The following CAMK4 variants were observed in gnomAD, a reference collection of about 807,000 sequenced individuals.
CAMK4 encodes the protein calcium/calmodulin dependent protein kinase IV.
CAMK4 carries 22 observed loss-of-function variants against 44.9 expected under a neutral mutation model. That is an observed-to-expected ratio of 0.49 (90% CI 0.35 to 0.70). The LOEUF (loss-of-function observed/expected upper bound fraction) is 0.70. Among genes scored for constraint, CAMK4 ranks in the 30% least tolerant of loss-of-function variants. The pLI, the probability that CAMK4 is intolerant of heterozygous loss-of-function variation, is 0.01. For missense variants in CAMK4, 498 were observed against 586.8 expected (o/e 0.85, Z 1.56); for synonymous variants, 218 against 215.4 (o/e 1.01, Z -0.11).
intron 1 of CAMK4, among the ~76,000 whole-genome samples, chr5:111,253,564 A>C (rs1749612429): frequency 6.6e-6 from 1 of 152,260 alleles, no homozygotes; most frequent in African/African-American, 2.4e-5. Flanking sequence ...AATAGCTGAC[A>C]GCTTCCATGT....
At chr5:111,354,211 A>T (rs1325880528) in intron 2 of CAMK4, among the ~76,000 whole-genome samples, 1 of 152,134 alleles carries the variant, frequency 6.6e-6, no homozygotes, top group Non-Finnish European at 1.5e-5. Context: ...CACAAAGTCA[A>T]ATTACAAATT....
chr5:111,250,668 C>T (rs565599420), intron 1 of CAMK4, among the ~76,000 whole-genome samples: 1 of 152,140 alleles, frequency 6.6e-6, no homozygotes, highest in Non-Finnish European at 1.5e-5. Context: ...TTACCTAGAT[C>T]CTGTTTTACC....
chr5:111,253,716 G>C (rs1219601938), intron 1 of CAMK4, among the ~76,000 whole-genome samples: 1 of 152,076 alleles, frequency 6.6e-6, no homozygotes, highest in Non-Finnish European at 1.5e-5. Flanking sequence ...GCTACTGAGA[G>C]GTTATTGAGT....
chr5:111,391,494 C>G (rs1043459145), intron 4 of CAMK4, among the ~76,000 whole-genome samples: 1 of 151,362 alleles, frequency 6.6e-6, no homozygotes, highest in African/African-American at 2.4e-5. Flanking sequence ...TTCCTTTAGG[C>G]AGTGAAAGCA....
At chr5:111,358,498 A>G (rs1392572580) in intron 2 of CAMK4, among the ~76,000 whole-genome samples, 3 of 152,004 alleles carry the variant, frequency 2.0e-5, no homozygotes, top group Non-Finnish European at 4.4e-5. Flanking sequence ...ATCTAAAAGA[A>G]CACATTAGAT....
chr5:111,410,810 T>G (rs1170969272), intron 5 of CAMK4, among the ~76,000 whole-genome samples: 1 of 152,130 alleles, frequency 6.6e-6, no homozygotes, highest in Non-Finnish European at 1.5e-5. Context: ...AAGGAGAGCT[T>G]CAAGGCAATG....
intron 5 of CAMK4, among the ~76,000 whole-genome samples, chr5:111,437,963 A>G (rs1753703469): frequency 1.3e-5 from 2 of 152,196 alleles, no homozygotes; most frequent in African/African-American, 4.8e-5. Flanking sequence ...CAAAGCAAGT[A>G]TTAAAGGGGC....
At chr5:111,236,966 T>C (rs982702926) in intron 1 of CAMK4, among the ~76,000 whole-genome samples, 1 of 152,162 alleles carries the variant, frequency 6.6e-6, no homozygotes, top group Non-Finnish European at 1.5e-5. Context: ...CTTAAAACTG[T>C]CTTTCTTCAG....
intron 1 of CAMK4, among the ~76,000 whole-genome samples, chr5:111,266,978 G>T (rs540301850): frequency 3.2e-4 from 49 of 152,234 alleles, no homozygotes; most frequent in East Asian, 5.8e-4. Context: ...TACTTGGCCA[G>T]TAAATATCAA....
chr5:111,382,772 C>T (rs1751465917), intron 4 of CAMK4, among the ~76,000 whole-genome samples: 1 of 152,074 alleles, frequency 6.6e-6, no homozygotes, highest in Non-Finnish European at 1.5e-5. Context: ...ATGTCACATT[C>T]CAAAGTATAT....
chr5:111,401,271 C>G (rs306092), intron 5 of CAMK4, among the ~76,000 whole-genome samples: 33 of 151,814 alleles, frequency 2.2e-4, no homozygotes, highest in African/African-American at 8.0e-4. Context: ...CCCAAGTAGC[C>G]GGGATTACAG....
At chr5:111,319,666 A>G (rs545377788) in intron 1 of CAMK4, among the ~76,000 whole-genome samples, 5 of 152,140 alleles carry the variant, frequency 3.3e-5, no homozygotes, top group Non-Finnish European at 7.3e-5. Context: ...AGATACATTA[A>G]AAATCATGGG....
intron 5 of CAMK4, among the ~76,000 whole-genome samples, chr5:111,425,251 G>A (rs957569543): frequency 7.9e-5 from 12 of 151,506 alleles, no homozygotes; most frequent in Middle Eastern, 3.4e-3. Context: ...GTAGCCAATT[G>A]CAACTTTCAT....
intron 1 of CAMK4, among the ~76,000 whole-genome samples, chr5:111,297,479 G>C (rs1747536863): frequency 6.6e-6 from 1 of 152,164 alleles, no homozygotes; most frequent in African/African-American, 2.4e-5. Context: ...AGCCATATTA[G>C]AGCTTGAGGC....
rs897871050 is a variant in CAMK4 at position 111,384,890 on chromosome 5, C to CA, written c.386+7956dup. Among the ~76,000 whole-genome samples, 30 of 151,786 alleles carry CA rather than the reference C, an allele frequency of 2.0e-4. 1 individual carries two copies. The highest frequency in any genetic ancestry group is 1.8e-4 in the Non-Finnish European group (12 of 67,878). On this transcript the variant is annotated intron_variant, in intron 4 of 10. Transcript: ENST00000282356. ...TTAAAGTCAATACTTTTAAACATGACAAAAAAAAGCCCACTTACAATCTGG... is the reference window on the plus strand; with the variant it reads ...TTAAAGTCAATACTTTTAAACATGACAAAAAAAAAGCCCACTTACAATCTGG...
intron 4 of CAMK4, among the ~76,000 whole-genome samples, chr5:111,391,980 A>G (rs575627866): frequency 6.6e-6 from 1 of 152,186 alleles, no homozygotes; most frequent in African/African-American, 2.4e-5. Context: ...TCCTCCTGCT[A>G]CTTTGAAATA....
rs56028058 is a variant in CAMK4, at chr5:111,484,043, G to A, written c.999G>A (p.Val333=). 12 of 1,593,148 alleles carry A rather than the reference G, an allele frequency of 7.5e-6. No homozygotes were observed. The East Asian group carries it at 2.5e-4, about 33-fold the overall frequency. ...RRKLKAAVKA[V]VASSRLGSAS... is the part of the protein sequence containing the mutation. ...CCAATCAGGCAGCGGTGAAGGCTGT[G>A]GTGGCCTCTTCGCGCCTGGGAAGTG... is the stretch of plus-strand genomic sequence containing the variant. The change falls in exon 11 of 11, where the codon GTG becomes GTA. Residue 333 remains valine, a synonymous_variant. Coordinates refer to ENST00000282356, the MANE Select transcript of CAMK4 (RefSeq NM_001744.6). The surrounding 1 kb of genome is among the most constrained non-coding windows in gnomAD (Gnocchi z 5.3).
intron 2 of CAMK4, chr5:111,358,269 C>A (rs1750449623): frequency 6.6e-6 from 1 of 152,240 alleles, no homozygotes; most frequent in Non-Finnish European, 1.5e-5. Context: ...GGAAAAACAA[C>A]TGGGAACTGT....
chr5:111,256,190 GGT>G (rs753385724), intron 1 of CAMK4, among the ~76,000 whole-genome samples: 5 of 152,258 alleles, frequency 3.3e-5, no homozygotes, highest in South Asian at 4.2e-4. Context: ...AATCTCAAAA[GGT>G]GTGATTCTGC....
Sources: allele counts gnomAD v4.1 joint callset (sites outside exome capture counted in the v4.1 genomes callset), GRCh38; gene constraint gnomAD v4.1.1; non-coding constraint Gnocchi (gnomAD v3.1); transcripts MANE v1.5; gene names NCBI Gene and HGNC (gene_info 2026-07-23, HGNC 2026-07-21).